Variants in RALGAPA1 observed in about 807,000 individuals in gnomAD.
RALGAPA1 encodes Ral GTPase activating protein catalytic subunit alpha 1.
Under a neutral mutation model 269.6 loss-of-function variants are expected in RALGAPA1, and 52 were observed. That is an observed-to-expected ratio of 0.19 (90% CI 0.15 to 0.24). The LOEUF (loss-of-function observed/expected upper bound fraction) is 0.24. Among genes scored for constraint, RALGAPA1 ranks in the 10% least tolerant of loss-of-function variants. RALGAPA1 has a pLI of 1.00. For synonymous variants in RALGAPA1, 817 were observed against 1,008.3 expected, an observed-to-expected ratio of 0.81 and a Z score of 3.60; for missense variants, 1,917 against 3,013.9, an observed-to-expected ratio of 0.64 and a Z score of 8.52.
chr14:35,677,742 A>G (rs1197808672), intron 22 of RALGAPA1: 1 of 520,418 alleles, frequency 1.9e-6, no homozygotes, highest in African/African-American at 2.0e-5. Context: ...GAGGACTCTA[A>G]TCAACTATAA....
chr14:35,796,226 TAC>T (rs780740160), intron 1 of RALGAPA1, among the ~76,000 whole-genome samples: 33 of 152,152 alleles, frequency 2.2e-4, no homozygotes, highest in Non-Finnish European at 2.8e-4. Flanking sequence ...AGATAAAAAC[TAC>T]AGTTTCTGAG....
Position 35,750,683 on chromosome 14 carries a change from C to T in RALGAPA1, c.810G>A (p.Pro270=), listed in dbSNP as rs567045492. ...NSLYHPILDI[P]QMRPKPHYVV... is the part of the protein sequence containing the mutation. ...CATAATGTGGCTTTGGTCTCATCTG[C>T]GGGATGTCTGTGCAAAATAAAAGGA... Residue 270 remains proline, a synonymous_variant, in exon 9 of 42, where the codon CCG becomes CCA. Coordinates refer to ENST00000680220, the MANE Select transcript of RALGAPA1 (RefSeq NM_001346249.2). The T allele has an allele frequency of 1.4e-4, 222 of 1,592,632 alleles. No individual in the cohort carries two copies. Among genetic ancestry groups the T allele is most frequent in the East Asian group, 1.2e-3 (52 of 43,794 alleles).
chr14:35,636,712 G>C (rs1483247809), intron 31 of RALGAPA1, among the ~76,000 whole-genome samples: 1 of 152,070 alleles, frequency 6.6e-6, no homozygotes, highest in Non-Finnish European at 1.5e-5. Flanking sequence ...GGAGAGACGA[G>C]GTTTTGCCAC....
At position 35,548,465 on chromosome 14, in the gene RALGAPA1, T is replaced by C. The variant is rs2054658665; in HGVS notation, c.*23+43A>G. The C allele has an allele frequency of 2.8e-6, 4 of 1,450,406 alleles. No homozygotes were observed. In the South Asian group the frequency reaches 5.3e-5, roughly 19 times the overall value. The allele number at this position is 1,450,406 out of a possible 1,614,324, so 89.8% of individuals were successfully genotyped here. On this transcript the variant is annotated intron_variant, in intron 41 of 41. Coordinates refer to ENST00000680220, the MANE Select transcript of RALGAPA1 (RefSeq NM_001346249.2). The stretch of plus-strand genomic sequence containing the variant: ...GCCTGCTAATTTTGAAAAAAGGAAA[T>C]GGGAGAAGAACAGAGGGTGTTTTGG...
chr14:35,742,845 A>G (rs1360918187), intron 10 of RALGAPA1, among the ~76,000 whole-genome samples: 1 of 152,170 alleles, frequency 6.6e-6, no homozygotes, highest in Admixed American at 6.5e-5. Context: ...AATGTGAGCT[A>G]TATGTACACT....
At chr14:35,798,171 CT>C (rs200882004) in intron 1 of RALGAPA1, among the ~76,000 whole-genome samples, 34,094 of 139,688 alleles carry the variant, frequency 0.24, 5,280 homozygotes, top group African/African-American at 0.45. Flanking sequence ...ACACGCTCGG[CT>C]TTTTTTTTTT....
At chr14:35,733,346 G>A (rs1595362507) in intron 12 of RALGAPA1, among the ~76,000 whole-genome samples, 1 of 151,962 alleles carries the variant, frequency 6.6e-6, no homozygotes, top group East Asian at 1.9e-4. Context: ...GCATGGTGGT[G>A]CATGCCTGTA....
intron 13 of RALGAPA1, among the ~76,000 whole-genome samples, chr14:35,725,566 T>C (rs2069820933): frequency 6.6e-6 from 1 of 152,146 alleles, no homozygotes; most frequent in African/African-American, 2.4e-5. Context: ...CTATATCAAA[T>C]CAATCAAATC....
At chr14:35,735,892 C>T (rs1207906781) in intron 12 of RALGAPA1, among the ~76,000 whole-genome samples, 1 of 152,112 alleles carries the variant, frequency 6.6e-6, no homozygotes, top group East Asian at 1.9e-4. Flanking sequence ...AGTCTATGCA[C>T]CACACTCTGA....
At chr14:35,696,397 AT>A (rs550592932) in intron 17 of RALGAPA1, among the ~76,000 whole-genome samples, 105 of 150,424 alleles carry the variant, frequency 7.0e-4, no homozygotes, top group African/African-American at 1.8e-3. Context: ...TAAAAAAAAA[AT>A]TTTTTTTTTT....
Position 35,689,655 on chromosome 14 carries a change from T to A in RALGAPA1, c.2756A>T (p.Glu919Val), listed in dbSNP as rs770862856. The A allele has an allele frequency of 2.9e-5, 37 of 1,271,888 alleles. No homozygotes were observed. The highest frequency in any genetic ancestry group is 3.6e-5 in the Non-Finnish European group (36 of 1,010,222). 78.8% of individuals were successfully genotyped at this position (1,271,888 alleles called of 1,614,324 possible). A position where few individuals can be genotyped will look rare whatever the true frequency, so the allele number is the denominator to read the frequency against. Residue 919 changes from glutamate (E) to valine (V), a missense_variant, in exon 18 of 42, where the codon GAA becomes GTA. This residue lies in a region of RALGAPA1 where 615 missense variants were observed against 790.0 expected (regional missense o/e 0.78). Transcript: ENST00000680220. ...TTGTTCAAAAGCTGAATCTGCAAGT[T>A]CTACTGGACCTATTAAATGACAAAG... is the stretch of plus-strand genomic sequence containing the variant. ...DHLCHLIGPV[E>V]LADSAFEQIQ...
chr14:35,660,606 A>C (rs1484765333), intron 27 of RALGAPA1, among the ~76,000 whole-genome samples: 1 of 152,132 alleles, frequency 6.6e-6, no homozygotes, highest in Non-Finnish European at 1.5e-5. Flanking sequence ...TATATATCCA[A>C]AGGAAATGAA....
intron 24 of RALGAPA1, among the ~76,000 whole-genome samples, chr14:35,673,301 A>C (rs2064642318): frequency 6.6e-6 from 1 of 152,248 alleles, no homozygotes; most frequent in South Asian, 2.1e-4. Context: ...TAAGCCTGTA[A>C]TCCCAGCACT....
At chr14:35,567,669 T>G (rs1277211620) in intron 39 of RALGAPA1, among the ~76,000 whole-genome samples, 1 of 152,082 alleles carries the variant, frequency 6.6e-6, no homozygotes, top group Non-Finnish European at 1.5e-5. Context: ...AATTAAGCCA[T>G]ATTCCCAAAA....
chr14:35,689,238 T>C lies in RALGAPA1; in HGVS notation c.3173A>G (p.Glu1058Gly), dbSNP rs1595152437. The C allele has an allele frequency of 1.2e-5, 15 of 1,232,432 alleles. 1 individual carries two copies. In the East Asian group the frequency reaches 4.7e-4, roughly 39 times the overall value. 76.3% of individuals were successfully genotyped at this position (1,232,432 alleles called of 1,614,324 possible). The part of the protein sequence containing the change: ...EPSLDSPCDK[E>G]KRKHLYRQAA... ...TTGTCTGTACAGATGTTTCCTTTTT[T>C]CTTTATCACAAGGGCTATCTAAACT... The change falls in exon 18 of 42, where the codon GAA (glutamate) becomes GGA (glycine). Residue 1058 changes from glutamate to glycine, a missense_variant. Glu to Gly is a moderately conservative substitution (Grantham distance 98). This residue lies in a region of RALGAPA1 where 615 missense variants were observed against 790.0 expected (regional missense o/e 0.78). Transcript: ENST00000680220.
At chr14:35,634,281 A>G (rs2061534070) in intron 33 of RALGAPA1, among the ~76,000 whole-genome samples, 1 of 152,214 alleles carries the variant, frequency 6.6e-6, no homozygotes, top group Non-Finnish European at 1.5e-5. Flanking sequence ...ACTGGTAAGT[A>G]TAATGCAAAT....
intron 1 of RALGAPA1, among the ~76,000 whole-genome samples, chr14:35,802,509 A>G (rs2077050284): frequency 6.6e-6 from 1 of 152,168 alleles, no homozygotes; most frequent in Non-Finnish European, 1.5e-5. Context: ...CTGAACTACA[A>G]AACACTGCTG....
intron 1 of RALGAPA1, among the ~76,000 whole-genome samples, chr14:35,789,858 A>AT (rs1467245484): frequency 1.3e-5 from 2 of 152,222 alleles, no homozygotes; most frequent in African/African-American, 2.4e-5. Context: ...TCACAGGAGC[A>AT]TAAGTGAAGC....
At chr14:35,654,567 T>C (rs1340667073) in intron 29 of RALGAPA1, 90 bp from the exon 30 acceptor site, 1 of 1,404,864 alleles carries the variant, frequency 7.1e-7, no homozygotes, top group Non-Finnish European at 9.5e-7. Flanking sequence ...TTTCATACAT[T>C]TGTAGGATTA....
Sources: gnomAD v4.1 joint callset for allele counts (sites outside exome capture counted in the v4.1 genomes callset) on GRCh38, gnomAD v4.1.1 for gene constraint, gnomAD v4.1.1 regional missense constraint, MANE v1.5 for transcripts, NCBI Gene and HGNC (gene_info 2026-07-23, HGNC 2026-07-21) for gene names.